The following LRRC4C variants were observed in gnomAD, a reference collection of about 807,000 sequenced individuals.
The protein encoded by LRRC4C is leucine-rich repeat-containing protein 4C.
In LRRC4C, 5 loss-of-function variants were observed where a neutral mutation model predicts 33.6. That is an observed-to-expected ratio of 0.15 (90% CI 0.08 to 0.31). The LOEUF is 0.31. Among genes scored for constraint, LRRC4C ranks in the 10% least tolerant of loss-of-function variants. The pLI, the probability that LRRC4C is intolerant of heterozygous loss-of-function variation, is 1.00. For missense variants in LRRC4C, 560 were observed against 796.7 expected, an observed-to-expected ratio of 0.70 and a Z score of 3.58; for synonymous variants, 329 against 302.0, an observed-to-expected ratio of 1.09 and a Z score of -0.93.
chr11:40,569,022 T>C (rs1350947444), intron 3 of LRRC4C, among the ~76,000 whole-genome samples: 1 of 152,208 alleles, frequency 6.6e-6, no homozygotes, highest in Non-Finnish European at 1.5e-5. Flanking sequence ...CTGTTCTTTG[T>C]TTTCTGAGCA....
chr11:40,541,071 C>A (rs1565487585), intron 3 of LRRC4C, among the ~76,000 whole-genome samples: 1 of 152,142 alleles, frequency 6.6e-6, no homozygotes, highest in African/African-American at 2.4e-5. Context: ...TCAACTCTTT[C>A]ATAGAAATGA....
intron 1 of LRRC4C, among the ~76,000 whole-genome samples, chr11:40,996,309 AG>A (rs2137314774): frequency 6.6e-6 from 1 of 152,226 alleles, no homozygotes; most frequent in South Asian, 2.1e-4. Flanking sequence ...GCATGGTCCT[AG>A]CCCAGCAGTT....
intron 1 of LRRC4C, among the ~76,000 whole-genome samples, chr11:41,060,065 G>GTGAA (rs1220912031): frequency 2.6e-5 from 4 of 152,094 alleles, no homozygotes; most frequent in African/African-American, 9.7e-5. Flanking sequence ...AAATAAGAAT[G>GTGAA]TTCATTTCAA....
At chr11:40,501,892 G>A (rs1028080209) in intron 3 of LRRC4C, among the ~76,000 whole-genome samples, 2 of 152,290 alleles carry the variant, frequency 1.3e-5, no homozygotes, top group Admixed American at 1.3e-4. Flanking sequence ...TTGTCAGGCT[G>A]CAAAATTTTC....
At chr11:40,455,426 C>T (rs914710307) in intron 3 of LRRC4C, among the ~76,000 whole-genome samples, 2 of 152,154 alleles carry the variant, frequency 1.3e-5, no homozygotes, top group Admixed American at 1.3e-4. Flanking sequence ...CACAGCCAGA[C>T]TTATGTAATA....
At chr11:40,682,744 C>CTAAATAAA (rs1944753669) in intron 2 of LRRC4C, among the ~76,000 whole-genome samples, 1 of 48,390 alleles carries the variant, frequency 2.1e-5, no homozygotes, top group Admixed American at 2.3e-4. Context: ...GAGACTCTGT[C>CTAAATAAA]TCAATAAATA....
chr11:41,210,491 GTCCATTAAA>G (rs1946778986), intron 1 of LRRC4C, among the ~76,000 whole-genome samples: 2 of 152,260 alleles, frequency 1.3e-5, no homozygotes, highest in South Asian at 4.1e-4. Context: ...TGAACTGTGA[GTCCATTAAA>G]CCTCTTTTTC....
At chr11:40,328,576 C>T (rs984843239) in intron 3 of LRRC4C, among the ~76,000 whole-genome samples, 2 of 152,062 alleles carry the variant, frequency 1.3e-5, no homozygotes, top group Admixed American at 1.3e-4. Flanking sequence ...GAATAGTCAA[C>T]CATTGGAATA....
intron 2 of LRRC4C, among the ~76,000 whole-genome samples, chr11:40,843,983 C>T (rs1213873810): frequency 6.6e-6 from 1 of 152,094 alleles, no homozygotes; most frequent in African/African-American, 2.4e-5. Context: ...TTTTTTGGAA[C>T]TCTAACTTTG....
At chr11:40,176,623 CT>C (rs1860516956) in intron 5 of LRRC4C, among the ~76,000 whole-genome samples, 1 of 151,006 alleles carries the variant, frequency 6.6e-6, no homozygotes, top group Non-Finnish European at 1.5e-5. Flanking sequence ...TCGTTGCAGA[CT>C]TGAAGTCCTT....
intron 2 of LRRC4C, among the ~76,000 whole-genome samples, chr11:40,664,874 A>G (rs1025624670): frequency 2.0e-5 from 3 of 151,890 alleles, no homozygotes; most frequent in African/African-American, 7.3e-5. Flanking sequence ...TGCTGCACCC[A>G]CTAACTCGTC....
chr11:40,350,845 G>A (rs928571528), intron 3 of LRRC4C, among the ~76,000 whole-genome samples: 1 of 151,764 alleles, frequency 6.6e-6, no homozygotes, highest in Non-Finnish European at 1.5e-5. Context: ...TCTTTTACTT[G>A]TAGCTAGTGC....
chr11:40,116,731 G>A (rs1855463745), intron 6 of LRRC4C, among the ~76,000 whole-genome samples: 1 of 152,180 alleles, frequency 6.6e-6, no homozygotes, highest in Non-Finnish European at 1.5e-5. Context: ...AAGCTCCTTT[G>A]CAAAAGTAGT....
intron 1 of LRRC4C, among the ~76,000 whole-genome samples, chr11:41,413,156 C>T (rs551558594): frequency 1.3e-5 from 2 of 152,040 alleles, no homozygotes; most frequent in South Asian, 4.2e-4. Flanking sequence ...TACTAGAGAA[C>T]CCCGAATTAT....
intron 1 of LRRC4C, among the ~76,000 whole-genome samples, chr11:41,356,860 T>C (rs1052539273): frequency 2.0e-5 from 3 of 152,134 alleles, no homozygotes; most frequent in Non-Finnish European, 4.4e-5. Flanking sequence ...GCCATTAGAA[T>C]GATATACTTA....
intron 3 of LRRC4C, among the ~76,000 whole-genome samples, chr11:40,532,249 T>G: frequency 6.6e-6 from 1 of 151,516 alleles, no homozygotes; most frequent in Admixed American, 6.6e-5. Flanking sequence ...TTACACAGAT[T>G]TACAAAATTC....
At chr11:40,447,774 C>A (rs2138041402) in intron 3 of LRRC4C, among the ~76,000 whole-genome samples, 1 of 151,960 alleles carries the variant, frequency 6.6e-6, no homozygotes, top group Middle Eastern at 3.4e-3. Context: ...TAGAGCTTAA[C>A]TGCCAAAGAT....
intron 2 of LRRC4C, among the ~76,000 whole-genome samples, chr11:40,713,770 T>G (rs1180976528): frequency 6.6e-6 from 1 of 152,198 alleles, no homozygotes; most frequent in Non-Finnish European, 1.5e-5. Flanking sequence ...AGCTTTTTGT[T>G]TATCATGAAA....
intron 2 of LRRC4C, among the ~76,000 whole-genome samples, chr11:40,718,263 G>A (rs558999244): frequency 3.3e-5 from 5 of 152,224 alleles, no homozygotes; most frequent in Admixed American, 6.5e-5. Flanking sequence ...GAGGGGTGTC[G>A]GTGCTACAGG....
Sources: gnomAD v4.1 joint callset for allele counts (sites outside exome capture counted in the v4.1 genomes callset) on GRCh38, gnomAD v4.1.1 for gene constraint, MANE v1.5 for transcripts, NCBI Gene and HGNC (gene_info 2026-07-23, HGNC 2026-07-21) for gene names.